Variants in CDH13 observed in about 807,000 individuals in gnomAD.
CDH13 encodes cadherin 13.
A neutral mutation model predicts 63.8 loss-of-function variants in CDH13; 24 were observed. The observed-to-expected ratio is 0.38, with a 90% CI of 0.27 to 0.53. The LOEUF is 0.53. Among genes scored for constraint, CDH13 ranks in the 20% least tolerant of loss-of-function variants. The pLI is 0.85. For synonymous variants in CDH13, 503 were observed against 355.3 expected (o/e 1.42, Z -4.67); for missense variants, 1,049 against 903.1 (o/e 1.16, Z -2.07).
intron 3 of CDH13, among the ~76,000 whole-genome samples, chr16:83,072,566 C>T (rs1484777704): frequency 6.6e-6 from 1 of 152,252 alleles, no homozygotes; most frequent in Middle Eastern, 3.4e-3. Flanking sequence ...AATGGGATCA[C>T]AAACTTGAAG....
chr16:82,681,800 G>C (rs1488343063), intron 1 of CDH13, among the ~76,000 whole-genome samples: 2 of 152,240 alleles, frequency 1.3e-5, no homozygotes, highest in East Asian at 1.9e-4. Flanking sequence ...CAGCACTCGG[G>C]TGAGGACTGA....
intron 4 of CDH13, among the ~76,000 whole-genome samples, chr16:83,164,778 C>T (rs991456028): frequency 4.6e-5 from 7 of 151,650 alleles, no homozygotes; most frequent in African/African-American, 1.5e-4. Context: ...ACAGCTTCTG[C>T]CAGTAATAGA....
intron 2 of CDH13, among the ~76,000 whole-genome samples, chr16:83,015,679 A>ATATG (rs1555562897): frequency 4.1e-5 from 2 of 48,532 alleles, no homozygotes; most frequent in Non-Finnish European, 7.2e-5. Context: ...GTGTGTATGT[A>ATATG]TATATATATA....
At chr16:82,863,300 C>T (rs1263801154) in intron 2 of CDH13, among the ~76,000 whole-genome samples, 1 of 152,146 alleles carries the variant, frequency 6.6e-6, no homozygotes, top group Non-Finnish European at 1.5e-5. Context: ...GAGAAATATT[C>T]CCACTGAACA....
rs74032276 is a variant in CDH13 at position 83,732,539 on chromosome 16, C to T, written c.1539-15569C>T. ...GTTCTGTGAGCAACAGAATAGAGGACCCGGAAACTGTAGTAGGGTTCTGTT... is the reference window on the plus strand; with the variant it reads ...GTTCTGTGAGCAACAGAATAGAGGATCCGGAAACTGTAGTAGGGTTCTGTT... On this transcript the variant is annotated intron_variant, in intron 10 of 13. Transcript: ENST00000567109. Among the ~76,000 whole-genome samples the T allele has an allele frequency of 9.7e-3, 1,480 of 152,234 alleles. 26 individuals are homozygous for T. The highest frequency in any genetic ancestry group is 0.034 in the African/African-American group (1,406 of 41,526).
intron 1 of CDH13, among the ~76,000 whole-genome samples, chr16:82,766,043 A>G (rs1164797810): frequency 6.6e-6 from 1 of 152,194 alleles, no homozygotes; most frequent in Non-Finnish European, 1.5e-5. Flanking sequence ...GAGAGGTTTT[A>G]TTACTAAGCT....
intron 1 of CDH13, among the ~76,000 whole-genome samples, chr16:82,663,026 A>T (rs1261966504): frequency 6.6e-6 from 1 of 152,138 alleles, no homozygotes; most frequent in East Asian, 1.9e-4. Flanking sequence ...CTCTTCCTAC[A>T]TGTAGCAGGC....
chr16:83,683,767 G>A (rs1050151146), intron 10 of CDH13, among the ~76,000 whole-genome samples: 7 of 152,158 alleles, frequency 4.6e-5, no homozygotes, highest in African/African-American at 1.7e-4. Context: ...GTATTACTGT[G>A]TATTGTTAAT....
intron 5 of CDH13, among the ~76,000 whole-genome samples, chr16:83,228,994 A>T (rs911563558): frequency 6.6e-6 from 1 of 152,154 alleles, no homozygotes; most frequent in East Asian, 1.9e-4. Flanking sequence ...GATTAGTCCA[A>T]ACTCATAGTG....
intron 1 of CDH13, among the ~76,000 whole-genome samples, chr16:82,756,360 GATAATAATAGTAAGA>G (rs59629551): frequency 0.02 from 3,088 of 152,198 alleles, 105 homozygotes; most frequent in African/African-American, 0.07. Flanking sequence ...CTATAGTAAT[GATAATAATAGTAAGA>G]ATAATAATAG....
intron 5 of CDH13, among the ~76,000 whole-genome samples, chr16:83,225,752 G>T (rs1240893920): frequency 6.6e-6 from 1 of 152,156 alleles, no homozygotes; most frequent in Non-Finnish European, 1.5e-5. Context: ...AGTGTGACCA[G>T]GTGTCAGTAT....
intron 7 of CDH13, among the ~76,000 whole-genome samples, chr16:83,592,466 A>C (rs148269462): frequency 4.6e-5 from 7 of 152,348 alleles, no homozygotes; most frequent in East Asian, 1.9e-4. Context: ...CTGAATGTCA[A>C]GTATTTGCCA....
At chr16:83,172,852 A>T (rs1177046215) in intron 4 of CDH13, among the ~76,000 whole-genome samples, 1 of 152,164 alleles carries the variant, frequency 6.6e-6, no homozygotes, top group Admixed American at 6.6e-5. Context: ...TCATCAGAGG[A>T]TTTGATCTAC....
chr16:82,796,145 A>G (rs953702448), intron 1 of CDH13, among the ~76,000 whole-genome samples: 2 of 152,080 alleles, frequency 1.3e-5, no homozygotes, highest in African/African-American at 4.8e-5. Context: ...GAGGAAACCA[A>G]GGTTCTAGGC....
chr16:83,321,525 A>AT (rs10672316), intron 5 of CDH13, among the ~76,000 whole-genome samples: 35,780 of 103,046 alleles, frequency 0.35, 7,791 homozygotes, highest in East Asian at 0.55. Context: ...GAAATCTGGA[A>AT]TTTTTTTTTT....
chr16:83,241,961 A>G (rs543671721), intron 5 of CDH13, among the ~76,000 whole-genome samples: 2 of 152,230 alleles, frequency 1.3e-5, no homozygotes, highest in East Asian at 3.9e-4. Flanking sequence ...GCAGTTGTAT[A>G]GTTTTAGGTC....
intron 1 of CDH13, among the ~76,000 whole-genome samples, chr16:82,664,603 A>C (rs1447720954): frequency 6.6e-6 from 1 of 152,218 alleles, no homozygotes; most frequent in East Asian, 1.9e-4. Context: ...GAAAGGACCC[A>C]AGTTTTTCCT....
intron 1 of CDH13, among the ~76,000 whole-genome samples, chr16:82,806,366 A>G (rs1423370276): frequency 1.3e-5 from 2 of 152,198 alleles, no homozygotes; most frequent in African/African-American, 4.8e-5. Context: ...CCTGTCTACC[A>G]TTGAAGGTAC....
chr16:83,472,028 C>T (rs796951002), intron 6 of CDH13, among the ~76,000 whole-genome samples: 6 of 152,338 alleles, frequency 3.9e-5, no homozygotes, highest in African/African-American at 1.2e-4. Flanking sequence ...CGTGGTGCTT[C>T]TGGGCCATGC....
Sources: gnomAD v4.1 joint callset for allele counts (sites outside exome capture counted in the v4.1 genomes callset) on GRCh38, gnomAD v4.1.1 for gene constraint, MANE v1.5 for transcripts, NCBI Gene and HGNC (gene_info 2026-07-23, HGNC 2026-07-21) for gene names.